The following PCDHA2 variants were observed in gnomAD, a reference collection of about 807,000 sequenced individuals.
The protein encoded by PCDHA2 is protocadherin alpha 2, also known as protocadherin alpha-2.
Under a neutral mutation model 66.0 loss-of-function variants are expected in PCDHA2, and 58 were observed. The observed-to-expected ratio is 0.88, with a 90% CI of 0.71 to 1.09. The LOEUF (loss-of-function observed/expected upper bound fraction) is 1.09, where lower values mean the gene tolerates loss of function less well. Among genes scored for constraint, PCDHA2 ranks in the 50% least tolerant of loss-of-function variants. PCDHA2 has a pLI of 0.00. For missense variants in PCDHA2, 1,267 were observed against 1,242.3 expected, an observed-to-expected ratio of 1.02 and a Z score of -0.30; for synonymous variants, 634 against 554.0, an observed-to-expected ratio of 1.14 and a Z score of -2.03.
At chr5:140,871,677 T>C in intron 1 of PCDHA2, 1 of 1,122,130 alleles carries the variant, frequency 8.9e-7, no homozygotes, top group Non-Finnish European at 1.2e-6. Flanking sequence ...TTTAATCATA[T>C]GAATAATCTG....
intron 1 of PCDHA2, among the ~76,000 whole-genome samples, chr5:140,922,855 A>C (rs1216713034): frequency 6.6e-6 from 1 of 152,246 alleles, no homozygotes; most frequent in Non-Finnish European, 1.5e-5. Context: ...GACCAAATAC[A>C]TAGACAAGGG....
chr5:140,852,117 T>C, intron 1 of PCDHA2: 1 of 906,144 alleles, frequency 1.1e-6, no homozygotes, highest in Non-Finnish European at 1.3e-6. Context: ...AGGTATGACC[T>C]AATTAAAAAC....
chr5:140,853,643 T>C, intron 1 of PCDHA2: 2 of 988,768 alleles, frequency 2.0e-6, no homozygotes, highest in Non-Finnish European at 2.4e-6. Flanking sequence ...AGACCTAAAT[T>C]GAGCCTGTTC....
intron 1 of PCDHA2, among the ~76,000 whole-genome samples, chr5:140,961,914 C>T (rs192184): frequency 0.56 from 84,843 of 150,390 alleles, 24,472 homozygotes; most frequent in African/African-American, 0.69. Context: ...GATGGAGTCT[C>T]GCTCTGTTGC....
chr5:140,868,938 T>C, intron 1 of PCDHA2: 1 of 1,227,722 alleles, frequency 8.1e-7, no homozygotes. Context: ...AAGGTTGGTC[T>C]GAACAGTGAG....
rs368808250 is a variant in PCDHA2, at chr5:140,795,957, A to G, written c.993A>G (p.Ser331=). Residue 331 remains serine, a synonymous_variant, in exon 1 of 4, where the codon TCA becomes TCG. Transcript: ENST00000526136. The part of the protein sequence containing the change: ...TATDKGTPSM[S]GHCKISLKLV... ...CTGACAAAGGAACCCCTTCAATGTC[A>G]GGACATTGTAAAATTTCATTAAAAC... is the stretch of plus-strand genomic sequence containing the variant. The G allele has an allele frequency of 6.2e-6, 10 of 1,613,982 alleles. No individual in the cohort carries two copies. Among genetic ancestry groups the G allele is most frequent in the Non-Finnish European group, 8.5e-6 (10 of 1,179,860 alleles).
At chr5:141,001,975 G>C (rs900969211) in intron 3 of PCDHA2, among the ~76,000 whole-genome samples, 8 of 152,184 alleles carry the variant, frequency 5.3e-5, no homozygotes, top group African/African-American at 1.9e-4. Flanking sequence ...GTCTCTGCGC[G>C]GAAAGCCTGG....
At chr5:140,825,558 G>C (rs1468838002) in intron 1 of PCDHA2, 1 of 151,638 alleles carries the variant, frequency 6.6e-6, no homozygotes, top group Non-Finnish European at 1.5e-5. Context: ...CCAAGTAGCT[G>C]GGATTACAGG....
intron 1 of PCDHA2, chr5:140,855,925 C>A: frequency 1.6e-6 from 2 of 1,240,618 alleles, no homozygotes; most frequent in African/African-American, 1.5e-5. Flanking sequence ...TAGGAAGTAG[C>A]GTCATTCTGA....
At chr5:140,853,785 C>A in intron 1 of PCDHA2, 1 of 987,514 alleles carries the variant, frequency 1.0e-6, no homozygotes. Flanking sequence ...GTAGTAAGAG[C>A]AAATTTTCAT....
chr5:140,953,075 A>G (rs1208986278), intron 1 of PCDHA2, among the ~76,000 whole-genome samples: 4 of 152,190 alleles, frequency 2.6e-5, no homozygotes, highest in Admixed American at 2.6e-4. Context: ...CATCTCCAAC[A>G]TTGGGGATTA....
At chr5:140,876,673 T>C (rs1554168774) in intron 1 of PCDHA2, 1 of 1,614,206 alleles carries the variant, frequency 6.2e-7, no homozygotes, top group Non-Finnish European at 8.5e-7. Flanking sequence ...GGTGTCCACC[T>C]ACAAGAATTA....
intron 1 of PCDHA2, chr5:140,857,563 C>A (rs782037850): frequency 1.3e-6 from 2 of 1,596,904 alleles, no homozygotes; most frequent in Non-Finnish European, 8.6e-7. Flanking sequence ...CGCTGTCGAG[C>A]TACGTGTCGG....
intron 1 of PCDHA2, among the ~76,000 whole-genome samples, chr5:140,938,097 A>AT (rs775272450): frequency 6.6e-6 from 1 of 151,930 alleles, no homozygotes; most frequent in Non-Finnish European, 1.5e-5. Flanking sequence ...TTATTATTGT[A>AT]TTTTTTACTT....
At chr5:140,884,206 C>T (rs1554181328) in intron 1 of PCDHA2, 1 of 1,613,542 alleles carries the variant, frequency 6.2e-7, no homozygotes, top group Admixed American at 1.7e-5. Context: ...CGCACCACCG[C>T]CTTCTGGTGC....
intron 1 of PCDHA2, chr5:140,837,051 A>G (rs1246258340): frequency 3.1e-5 from 6 of 195,270 alleles, no homozygotes. Context: ...AAATATTTAC[A>G]TTTCCATATT....
In PCDHA2 at chr5:140,796,286, T is replaced by C. The variant is rs1241984619; in HGVS notation, c.1322T>C (p.Val441Ala). The C allele has an allele frequency of 8.7e-6, 14 of 1,614,152 alleles. No homozygotes were observed. The South Asian group carries it at 1.3e-4, about 15-fold the overall frequency. Reference protein sequence around the residue: ...GSPSLWATTSVSIEVADVNDN... With the variant: ...GSPSLWATTSASIEVADVNDN... ...CCTTCACTGTGGGCCACCACCAGCG[T>C]GTCCATCGAGGTGGCCGACGTGAAC... The change falls in exon 1 of 4, where the codon GTG becomes GCG. Residue 441 changes from valine (V) to alanine (A), a missense_variant. Val to Ala is a moderately conservative substitution (Grantham distance 64, BLOSUM62 0). Coordinates refer to ENST00000526136, the MANE Select transcript of PCDHA2 (RefSeq NM_018905.3).
At chr5:140,841,440 A>G in intron 1 of PCDHA2, 1 of 1,612,980 alleles carries the variant, frequency 6.2e-7, no homozygotes, top group Non-Finnish European at 8.5e-7. Flanking sequence ...GAGGAGGCCA[A>G]ACACGGCACC....
At chr5:140,814,311 A>G (rs1404172900) in intron 1 of PCDHA2, 28 of 152,108 alleles carry the variant, frequency 1.8e-4, no homozygotes, top group African/African-American at 6.8e-4. Flanking sequence ...ATTGTCTTCC[A>G]CCTCCATATC....
Sources: allele counts gnomAD v4.1 joint callset (sites outside exome capture counted in the v4.1 genomes callset), GRCh38; gene constraint gnomAD v4.1.1; transcripts MANE v1.5; gene names NCBI Gene and HGNC (gene_info 2026-07-23, HGNC 2026-07-21).